Variants in HOMER1 observed in about 807,000 individuals in gnomAD.
HOMER1 encodes the protein homer scaffold protein 1.
In HOMER1, 3 loss-of-function variants were observed where a neutral mutation model predicts 48.9. That is an observed-to-expected ratio of 0.06 (90% CI 0.03 to 0.16). The LOEUF (loss-of-function observed/expected upper bound fraction) is 0.16. Ranked by LOEUF, HOMER1 falls within the 10% of genes least tolerant of loss-of-function variation. The pLI, the probability that HOMER1 is intolerant of heterozygous loss-of-function variation, is 1.00. For missense variants in HOMER1, 247 were observed against 411.4 expected, an observed-to-expected ratio of 0.60 and a Z score of 3.46; for synonymous variants, 134 against 146.4, an observed-to-expected ratio of 0.92 and a Z score of 0.61.
intron 1 of HOMER1, among the ~76,000 whole-genome samples, chr5:79,485,703 G>T (rs896741028): frequency 1.3e-5 from 2 of 152,140 alleles, no homozygotes; most frequent in Non-Finnish European, 2.9e-5. Flanking sequence ...GCAAACAAAG[G>T]CAATGGAAAA....
intron 6 of HOMER1, 169 bp from the exon 7 acceptor site, chr5:79,397,806 T>C (rs1749427715): frequency 4.7e-6 from 2 of 422,108 alleles, no homozygotes; most frequent in East Asian, 7.6e-5. Context: ...TTCAAAGATA[T>C]AAAACTAGGA....
At chr5:79,446,942 C>A in intron 4 of HOMER1, 111 bp downstream of exon 4, 1 of 675,380 alleles carries the variant, frequency 1.5e-6, no homozygotes. Flanking sequence ...GTGTGAGCCA[C>A]CACACTAAAG....
intron 8 of HOMER1, among the ~76,000 whole-genome samples, chr5:79,386,340 T>A (rs1471804080): frequency 6.6e-6 from 1 of 152,222 alleles, no homozygotes; most frequent in Non-Finnish European, 1.5e-5. Context: ...GAGGTCATCA[T>A]GTTAAGTGAA....
intron 4 of HOMER1, among the ~76,000 whole-genome samples, chr5:79,445,091 T>C (rs1032105076): frequency 6.6e-5 from 10 of 152,172 alleles, no homozygotes; most frequent in Middle Eastern, 3.2e-3. Context: ...AGCTGGGTGA[T>C]AGAAGTGGAG....
intron 5 of HOMER1, among the ~76,000 whole-genome samples, chr5:79,427,672 CCCTT>C (rs754555740): frequency 1.0e-5 from 1 of 97,600 alleles, no homozygotes; most frequent in Non-Finnish European, 2.0e-5. Flanking sequence ...TCCTTTCCTT[CCCTT>C]CCTTCCTTCC....
At chr5:79,397,006 T>C in intron 7 of HOMER1, 103 bp from the exon 8 acceptor site, 1 of 634,210 alleles carries the variant, frequency 1.6e-6, no homozygotes, top group South Asian at 2.1e-5. Context: ...AAAAAGATGA[T>C]TTTAAAAACA....
At chr5:79,419,662 G>T (rs995831326) in intron 5 of HOMER1, among the ~76,000 whole-genome samples, 2 of 151,852 alleles carry the variant, frequency 1.3e-5, no homozygotes, top group African/African-American at 4.8e-5. Flanking sequence ...ATATTAAAAT[G>T]ACTTGTGGCA....
intron 6 of HOMER1, among the ~76,000 whole-genome samples, chr5:79,399,653 T>C (rs1202263167): frequency 6.6e-6 from 1 of 152,198 alleles, no homozygotes; most frequent in East Asian, 1.9e-4. Context: ...AACTGCCTGT[T>C]GAAACAAAAA....
intron 8 of HOMER1, among the ~76,000 whole-genome samples, chr5:79,379,141 A>T (rs1299549298): frequency 8.9e-6 from 1 of 112,492 alleles, no homozygotes; most frequent in African/African-American, 3.4e-5. Flanking sequence ...ATTTATATAT[A>T]AAAATTATTT....
At chr5:79,392,778 A>G (rs774152227) in intron 8 of HOMER1, among the ~76,000 whole-genome samples, 6 of 152,158 alleles carry the variant, frequency 3.9e-5, no homozygotes, top group Admixed American at 1.3e-4. Context: ...TCCATTCATG[A>G]TAAGTGTCCT....
intron 5 of HOMER1, among the ~76,000 whole-genome samples, chr5:79,423,764 T>C (rs969385292): frequency 6.6e-6 from 1 of 152,084 alleles, no homozygotes; most frequent in African/African-American, 2.4e-5. Flanking sequence ...CAGAAATCAT[T>C]ACCCACCTGA....
At chr5:79,447,267 A>G in intron 3 of HOMER1, 122 bp from the exon 4 acceptor site, 1 of 625,254 alleles carries the variant, frequency 1.6e-6, no homozygotes, top group Non-Finnish European at 2.8e-6. Flanking sequence ...TAGCCTCCAA[A>G]CCAATTATAG....
intron 8 of HOMER1, among the ~76,000 whole-genome samples, chr5:79,386,966 TCCCTTCTTCCTTCCCTC>T (rs1749128523): frequency 7.8e-6 from 1 of 128,804 alleles, no homozygotes; most frequent in Non-Finnish European, 1.6e-5. Context: ...TTCCTTCCCT[TCCCTTCTTCCTTCCCTC>T]CCTCTCTGAA....
At chr5:79,501,427 A>G (rs1008160238) in intron 1 of HOMER1, among the ~76,000 whole-genome samples, 1 of 152,150 alleles carries the variant, frequency 6.6e-6, no homozygotes, top group Non-Finnish European at 1.5e-5. Flanking sequence ...GCTTTGGGAG[A>G]GTCAAAAGGT....
At chr5:79,510,417 C>T (rs1473796368) in intron 1 of HOMER1, 3 of 647,040 alleles carry the variant, frequency 4.6e-6, no homozygotes, top group Non-Finnish European at 5.8e-6. Context: ...TCAGGAGCCG[C>T]GCCTTAAGGT....
In HOMER1 at chr5:79,512,827, C is replaced by A; in HGVS notation, c.-53G>T. The stretch of plus-strand genomic sequence containing the variant: ...TTTCAGCTCTTATGCTACGGAATAA[C>A]TTCCAAAGGAATTTCTCCGTCTGCT... On this transcript the variant is annotated 5_prime_UTR_variant, in exon 1 of 9. Transcript: ENST00000334082. The A allele has an allele frequency of 6.3e-7, 1 of 1,592,890 alleles. No homozygotes were observed. Among genetic ancestry groups the A allele is most frequent in the Non-Finnish European group, 8.6e-7 (1 of 1,161,122 alleles).
At chr5:79,509,579 T>A (rs927402209) in intron 1 of HOMER1, among the ~76,000 whole-genome samples, 3 of 152,206 alleles carry the variant, frequency 2.0e-5, no homozygotes, top group African/African-American at 7.2e-5. Context: ...CATGAATGCC[T>A]TAATTTTTAG....
intron 8 of HOMER1, among the ~76,000 whole-genome samples, chr5:79,390,646 C>T (rs1329980995): frequency 6.6e-6 from 1 of 152,026 alleles, no homozygotes; most frequent in African/African-American, 2.4e-5. Context: ...ACAAGACACA[C>T]AAGCAGCATT....
chr5:79,399,654 G>T (rs1749483444), intron 6 of HOMER1, among the ~76,000 whole-genome samples: 1 of 152,060 alleles, frequency 6.6e-6, no homozygotes, highest in East Asian at 1.9e-4. Context: ...ACTGCCTGTT[G>T]AAACAAAAAC....
Sources: gnomAD v4.1 joint callset for allele counts (sites outside exome capture counted in the v4.1 genomes callset) on GRCh38, gnomAD v4.1.1 for gene constraint, MANE v1.5 for transcripts, NCBI Gene and HGNC (gene_info 2026-07-23, HGNC 2026-07-21) for gene names.